TRABD: variants seen among roughly 807,000 people sequenced by gnomAD.
TRABD encodes traB domain-containing protein.
A neutral mutation model predicts 39.6 loss-of-function variants in TRABD; 23 were observed. The observed-to-expected ratio is 0.58, with a 90% confidence interval of 0.42 to 0.82. The LOEUF (loss-of-function observed/expected upper bound fraction) is 0.82. Among genes scored for constraint, TRABD ranks in the 40% least tolerant of loss-of-function variants. The probability of loss-of-function intolerance (pLI) is 0.00; values close to 1 mark genes in which losing one functional copy is unlikely to be tolerated. For missense variants in TRABD, 487 were observed against 544.9 expected, an observed-to-expected ratio of 0.89 and a Z score of 1.06; for synonymous variants, 243 against 232.1, an observed-to-expected ratio of 1.05 and a Z score of -0.43.
chr22:50,192,932 A>G (rs2063957845), intron 1 of TRABD, 95 bp from the exon 2 acceptor site: 1 of 1,201,744 alleles, frequency 8.3e-7, no homozygotes, highest in East Asian at 2.6e-5. Flanking sequence ...GGCCCACCCA[A>G]CAGATGGTTC....
chr22:50,198,923 G>T lies in TRABD; in HGVS notation c.*404G>T, dbSNP rs1391132570. On this transcript the variant is annotated 3_prime_UTR_variant, in exon 10 of 10. Coordinates refer to ENST00000380909, the MANE Select transcript of TRABD (RefSeq NM_001320485.2). The surrounding 1 kb of genome is among the most constrained non-coding windows in gnomAD (Gnocchi z 7.9). The stretch of plus-strand genomic sequence containing the variant: ...CTCCGGCCACAGGAGCGTCGGCCCA[G>T]GGGCGGCTCCTGGGGGCTCCAGGGC... 8 of 588,704 alleles carry T rather than the reference G, an allele frequency of 1.4e-5. No individual in the cohort carries two copies. The highest frequency in any genetic ancestry group is 2.2e-5 in the Non-Finnish European group (7 of 323,400). The allele number at this position is 588,704 out of a possible 1,614,324, so 36.5% of individuals were successfully genotyped here.
intron 1 of TRABD, among the ~76,000 whole-genome samples, chr22:50,190,367 GGACCAGCGCCTGCTGCTGCACCGA>G (rs1411221197): frequency 3.9e-5 from 6 of 152,166 alleles, no homozygotes; most frequent in Non-Finnish European, 7.4e-5. Context: ...ACTGGGGTCA[GGACCAGCGCCTGCTGCTGCACCGA>G]GACCCTGCCC....
At chr22:50,186,102 G>A (rs1410061699) in intron 1 of TRABD, 126 bp downstream of exon 1, 1 of 128,598 alleles carries the variant, frequency 7.8e-6, no homozygotes, top group African/African-American at 2.9e-5. Context: ...GTCGGGGGGT[G>A]GGGGCCGGGG....
At chr22:50,190,130 G>A (rs969489911) in intron 1 of TRABD, among the ~76,000 whole-genome samples, 3 of 152,198 alleles carry the variant, frequency 2.0e-5, no homozygotes, top group African/African-American at 4.8e-5. Flanking sequence ...TGTCAGAGAC[G>A]TCCCCCAGAA....
intron 1 of TRABD, among the ~76,000 whole-genome samples, chr22:50,186,558 C>CA (rs2063763594): frequency 1.3e-5 from 2 of 152,136 alleles, no homozygotes; most frequent in African/African-American, 4.8e-5. Context: ...GCCCCAGCCA[C>CA]CCCCGCCTGC....
chr22:50,188,530 G>T (rs1185485551), intron 1 of TRABD, among the ~76,000 whole-genome samples: 2 of 152,174 alleles, frequency 1.3e-5, no homozygotes, highest in Admixed American at 1.3e-4. Context: ...GCTTGTAGAC[G>T]GGCCCCCGCG....
chr22:50,194,057 C>G (rs1292638855), intron 3 of TRABD, among the ~76,000 whole-genome samples: 1 of 151,850 alleles, frequency 6.6e-6, no homozygotes, highest in Non-Finnish European at 1.5e-5. Flanking sequence ...CCACACCGAA[C>G]CTCATCCACA....
At position 50,198,549 on chromosome 22, in the gene TRABD, G is replaced by C. The variant is rs2064213662; in HGVS notation, c.*30G>C. On this transcript the variant is annotated 3_prime_UTR_variant, in exon 10 of 10. Transcript: ENST00000380909. The surrounding 1 kb of genome is among the most constrained non-coding windows in gnomAD (Gnocchi z 7.9). ...CTGCTCCCCGCCCGCTCGGGCCCCT[G>C]AGGAGCCAGTGCCCCCGCGGCACTT... The C allele has an allele frequency of 5.4e-6, 8 of 1,485,098 alleles. No individual in the cohort carries two copies. Among genetic ancestry groups the C allele is most frequent in the Non-Finnish European group, 7.1e-6 (8 of 1,122,488 alleles). 92.0% of individuals were successfully genotyped at this position (1,485,098 alleles called of 1,614,324 possible).
chr22:50,198,492 G>A lies in TRABD; in HGVS notation c.1104G>A (p.Gln368=), dbSNP rs1371874549. The A allele has an allele frequency of 3.2e-6, 5 of 1,576,544 alleles. No individual in the cohort carries two copies. The African/African-American group carries it at 5.4e-5, about 17-fold the overall frequency. The change falls in exon 10 of 10, where the codon CAG becomes CAA. Residue 368 remains glutamine, a synonymous_variant. Coordinates refer to ENST00000380909, the MANE Select transcript of TRABD (RefSeq NM_001320485.2). The surrounding 1 kb of genome is among the most constrained non-coding windows in gnomAD (Gnocchi z 7.9). ...TGCCCGCCGCGCAGTACTGCCTGCA[G>A]AGGGTGACCGAGGCCCGGCACAAGT... ...LSLPAAQYCL[Q]RVTEARHK
chr22:50,187,199 G>T (rs1300642861), intron 1 of TRABD, among the ~76,000 whole-genome samples: 1 of 152,252 alleles, frequency 6.6e-6, no homozygotes, highest in African/African-American at 2.4e-5. Context: ...CTGCATGGTG[G>T]TCAGTGTGGG....
In TRABD at chr22:50,198,053, G is replaced by A; in HGVS notation, c.845-22G>A. 6.2e-7 allele frequency: 1 copy of A among 1,612,120 alleles called. No homozygotes were observed. Among genetic ancestry groups the A allele is most frequent in the Non-Finnish European group, 8.5e-7 (1 of 1,179,418 alleles). On this transcript the variant is annotated intron_variant, in intron 8 of 9. Coordinates refer to ENST00000380909, the MANE Select transcript of TRABD (RefSeq NM_001320485.2). This position sits in a 1 kb window ranked among gnomAD's most constrained non-coding sequence, Gnocchi z 7.9. Reference sequence around the variant, plus strand: ...TGAGGCTGAGGCCCGAGCAGGTACTGACCCCTTGTCCTTCCCCACAGCCGA... The same window carrying A: ...TGAGGCTGAGGCCCGAGCAGGTACTAACCCCTTGTCCTTCCCCACAGCCGA...
chr22:50,189,004 A>G (rs987017827), intron 1 of TRABD, among the ~76,000 whole-genome samples: 4 of 152,214 alleles, frequency 2.6e-5, no homozygotes, highest in Non-Finnish European at 5.9e-5. Flanking sequence ...CCAAAGCCAG[A>G]TATCCCTTTT....
At position 50,193,070 on chromosome 22, in the gene TRABD, G is replaced by T. The variant is rs1262258913; in HGVS notation, c.10G>T (p.Glu4Ter). 6.5e-7 allele frequency: 1 copy of T among 1,546,006 alleles called. No homozygotes were observed. The highest frequency in any genetic ancestry group is 8.7e-7 in the Non-Finnish European group (1 of 1,147,166). ...AAGCCGCCGCCCAGCCATGGACGGG[G>T]AGGAGCAGCAGCCACCGCACGAGGT... The part of the protein sequence containing the change: MDG[E>*]EQQPPHEANV... Residue 4 changes from glutamate to a stop codon, truncating the protein, a stop_gained, in exon 2 of 10, where the codon GAG (glutamate) becomes TAG (stop). Coordinates refer to ENST00000380909, the MANE Select transcript of TRABD (RefSeq NM_001320485.2). LOFTEE classifies it high-confidence loss of function.
intron 5 of TRABD, chr22:50,196,871 T>C (rs2064130698): frequency 5.5e-6 from 1 of 181,768 alleles, no homozygotes; most frequent in South Asian, 1.2e-4. Flanking sequence ...ATTTTTATAT[T>C]TTTAGTAGAG....
Position 50,197,337 on chromosome 22 carries a change from G to A in TRABD, c.517G>A (p.Glu173Lys), listed in dbSNP as rs747054293. 39 of 1,613,788 alleles carry A rather than the reference G, an allele frequency of 2.4e-5. No individual in the cohort carries two copies. Among genetic ancestry groups the A allele is most frequent in the Non-Finnish European group, 3.2e-5 (38 of 1,180,000 alleles). ...CATGGCCCCAGGTGGCGAGTTCAGGGAGGCCTTCAAGGAGGTGGGCACAGG... is the reference window on the plus strand; with the variant it reads ...CATGGCCCCAGGTGGCGAGTTCAGGAAGGCCTTCAAGGAGGTGGGCACAGG... Reference protein sequence around the residue: ...LGMAPGGEFREAFKEASKVPF... With the variant: ...LGMAPGGEFRKAFKEASKVPF... Residue 173 changes from glutamate to lysine, a missense_variant, in exon 6 of 10, where the codon GAG becomes AAG. Physicochemically the swap from Glu to Lys is moderately conservative, Grantham distance 56. Transcript: ENST00000380909.
At position 50,199,234 on chromosome 22, in the gene TRABD, A is replaced by G; in HGVS notation, c.*715A>G. 1 of 667,388 alleles carries G rather than the reference A, an allele frequency of 1.5e-6. No individual in the cohort carries two copies. The highest frequency in any genetic ancestry group is 2.4e-5 in the Admixed American group (1 of 42,462). 41.3% of individuals were successfully genotyped at this position (667,388 alleles called of 1,614,324 possible). A position where few individuals can be genotyped will look rare whatever the true frequency, so the allele number is the denominator to read the frequency against. ...GCAGCCAAACATCAGCTCTGGGTCCAGGCGTGGCCTCAGCTGGGAGCCTGT... is the reference window on the plus strand; with the variant it reads ...GCAGCCAAACATCAGCTCTGGGTCCGGGCGTGGCCTCAGCTGGGAGCCTGT... On this transcript the variant is annotated 3_prime_UTR_variant, in exon 10 of 10. Coordinates refer to ENST00000380909, the MANE Select transcript of TRABD (RefSeq NM_001320485.2).
intron 5 of TRABD, 50 bp from the exon 6 acceptor site, chr22:50,197,191 G>GCGGGGGGGCCCCCCCCCCCCCCCC: frequency 6.4e-7 from 1 of 1,553,438 alleles, no homozygotes; most frequent in African/African-American, 1.4e-5. Context: ...TTCCCCCAGC[G>GCGGGGGGGCCCCCCCCCCCCCCCC]CACCCCCGCA....
chr22:50,198,449 C>A lies in TRABD; in HGVS notation c.1061C>A (p.Ala354Glu). ...YSLYWMGRRT[A>E]SLVLSLPAAQ... ...CTGTACTGGATGGGCCGCCGCACCG[C>A]GAGCCTGGTCCTGTCGCTGCCCGCC... Residue 354 changes from alanine to glutamate, a missense_variant, in exon 10 of 10, where the codon GCG becomes GAG. By Grantham distance (107) the Ala-to-Glu change is moderately radical (BLOSUM62 -1). This residue lies in a region of TRABD where 123 missense variants were observed against 108.3 expected (regional missense o/e 1.14). Coordinates refer to ENST00000380909, the MANE Select transcript of TRABD (RefSeq NM_001320485.2). This position sits in a 1 kb window ranked among gnomAD's most constrained non-coding sequence, Gnocchi z 7.9. The A allele has an allele frequency of 6.3e-7, 1 of 1,594,830 alleles. No individual in the cohort carries two copies. The highest frequency in any genetic ancestry group is 8.5e-7 in the Non-Finnish European group (1 of 1,176,484).
chr22:50,197,765 C>CGG, intron 7 of TRABD, 58 bp from the exon 8 acceptor site: 8 of 754,050 alleles, frequency 1.1e-5, no homozygotes, highest in Non-Finnish European at 1.8e-5. Flanking sequence ...ACAGTGCCAG[C>CGG]CCCACCCCCC....
Sources: gnomAD v4.1 joint callset for allele counts (sites outside exome capture counted in the v4.1 genomes callset) on GRCh38, gnomAD v4.1.1 for gene constraint, gnomAD v4.1.1 regional missense constraint, Gnocchi (gnomAD v3.1) non-coding constraint, MANE v1.5 for transcripts, NCBI Gene and HGNC (gene_info 2026-07-23, HGNC 2026-07-21) for gene names.